ZBED6: variants seen among roughly 807,000 people sequenced by gnomAD.
ZBED6 encodes zinc finger BED domain-containing protein 6.
A neutral mutation model predicts 58.4 loss-of-function variants in ZBED6; 40 were observed. That is an observed-to-expected ratio of 0.68 (90% CI 0.53 to 0.89). ZBED6 has a LOEUF of 0.89. Ranked by LOEUF, ZBED6 falls within the 40% of genes least tolerant of loss-of-function variation. The pLI, the probability that ZBED6 is intolerant of heterozygous loss-of-function variation, is 0.00. For missense variants in ZBED6, 1,057 were observed against 1,003.9 expected (o/e 1.05, Z -0.71); for synonymous variants, 439 against 350.6 (o/e 1.25, Z -2.82).
chr1:203,808,987 C>G (rs1231249743), intron 1 of ZBED6, among the ~76,000 whole-genome samples: 3 of 151,580 alleles, frequency 2.0e-5, no homozygotes, highest in Non-Finnish European at 2.9e-5. Flanking sequence ...TTCGCCACCA[C>G]GCCCAGCTAA....
At chr1:203,833,645 G>A (rs1572210890) in intron 8 of ZBED6, 146 bp from the exon 9 acceptor site, 1 of 264,464 alleles carries the variant, frequency 3.8e-6, no homozygotes, top group South Asian at 1.3e-4. Flanking sequence ...TTGATATAAT[G>A]GCCTTCCTTA....
chr1:203,800,549 T>C, exon 1 of ZBED6: 4 of 1,240,388 alleles, frequency 3.2e-6, no homozygotes, highest in Non-Finnish European at 4.3e-6. Context: ...TCATTATCTT[T>C]ATAAACACAT....
chr1:203,807,980 A>C (rs1378051096), intron 1 of ZBED6, among the ~76,000 whole-genome samples: 1 of 152,046 alleles, frequency 6.6e-6, no homozygotes, highest in African/African-American at 2.4e-5. Context: ...GGGTTCAAGC[A>C]GTCCTCCTGT....
At chr1:203,840,782 C>T (rs935944262) in intron 11 of ZBED6, among the ~76,000 whole-genome samples, 20 of 151,804 alleles carry the variant, frequency 1.3e-4, no homozygotes, top group Non-Finnish European at 2.1e-4. Context: ...TACAGGCGTA[C>T]GCCACCATGC....
intron 10 of ZBED6, 117 bp from the exon 11 acceptor site, chr1:203,840,189 T>A: frequency 1.1e-6 from 1 of 937,894 alleles, no homozygotes; most frequent in Non-Finnish European, 1.6e-6. Flanking sequence ...TCAGCCTGCC[T>A]TGGCCTCCCA....
At chr1:203,847,327 A>C in exon 12 of ZBED6, 1 of 1,614,008 alleles carries the variant, frequency 6.2e-7, no homozygotes, top group Non-Finnish European at 8.5e-7. Context: ...TTCAGGAGCA[A>C]GAAGCTCCTC....
chr1:203,846,160 TGGG>T (rs35704322), intron 11 of ZBED6, among the ~76,000 whole-genome samples: 1 of 131,966 alleles, frequency 7.6e-6, no homozygotes, highest in African/African-American at 2.7e-5. Context: ...ATAATTTTTT[TGGG>T]GGGGGGGTTC....
chr1:203,797,473 T>C (rs1668930866), exon 1 of ZBED6: 1 of 1,437,336 alleles, frequency 7.0e-7, no homozygotes, highest in Non-Finnish European at 9.1e-7. Context: ...TCTGCTTGAG[T>C]AATAAACCCA....
exon 1 of ZBED6, chr1:203,797,583 A>G: frequency 2.6e-6 from 4 of 1,533,546 alleles, no homozygotes; most frequent in Non-Finnish European, 3.5e-6. Context: ...AAGATGCAAC[A>G]CTTTTAGTGA....
intron 11 of ZBED6, among the ~76,000 whole-genome samples, chr1:203,845,916 C>T (rs546988514): frequency 1.3e-5 from 2 of 151,816 alleles, no homozygotes; most frequent in East Asian, 1.9e-4. Context: ...GAGAACAGCA[C>T]GGAATACTCC....
At chr1:203,813,485 T>C (rs1430475399) in intron 1 of ZBED6, among the ~76,000 whole-genome samples, 1 of 152,234 alleles carries the variant, frequency 6.6e-6, no homozygotes, top group African/African-American at 2.4e-5. Context: ...ATTATTTTTT[T>C]ATATGTGGAT....
At chr1:203,849,645 G>T (rs777443334) in intron 13 of ZBED6, 66 bp from the exon 14 acceptor site, 1 of 1,457,646 alleles carries the variant, frequency 6.9e-7, no homozygotes, top group South Asian at 1.2e-5. Flanking sequence ...TGTTAGCCTG[G>T]TACTTACATC....
chr1:203,835,863 C>T (rs1053922264), intron 9 of ZBED6: 2 of 245,148 alleles, frequency 8.2e-6, no homozygotes, highest in East Asian at 2.0e-4. Context: ...TTTCCGGAGA[C>T]CCCACTTATA....
intron 1 of ZBED6, chr1:203,806,134 T>C (rs1672257145): frequency 5.9e-6 from 3 of 505,300 alleles, no homozygotes; most frequent in South Asian, 4.5e-5. Flanking sequence ...CTGGTCCTTA[T>C]ACTTCACTAG....
chr1:203,808,479 T>C (rs1673128370), intron 1 of ZBED6, among the ~76,000 whole-genome samples: 1 of 152,226 alleles, frequency 6.6e-6, no homozygotes, highest in Non-Finnish European at 1.5e-5. Flanking sequence ...ATGTAAAGAC[T>C]CAAGTCCATC....
chr1:203,798,205 T>G, exon 1 of ZBED6: 2 of 1,536,144 alleles, frequency 1.3e-6, no homozygotes, highest in Non-Finnish European at 8.7e-7. Flanking sequence ...GATAATAGAA[T>G]GGGCAAGAAG....
At chr1:203,813,342 G>A (rs557996534) in intron 1 of ZBED6, among the ~76,000 whole-genome samples, 4 of 152,122 alleles carry the variant, frequency 2.6e-5, no homozygotes, top group African/African-American at 9.6e-5. Context: ...CAGTAGCTGG[G>A]ATCACAGGCA....
At chr1:203,798,320 A>G in exon 1 of ZBED6, 2 of 1,536,166 alleles carry the variant, frequency 1.3e-6, no homozygotes, top group Non-Finnish European at 1.7e-6. Flanking sequence ...GAGCCAAGAC[A>G]TCTGCCGTTT....
At position 203,829,942 on chromosome 1, in the gene ZBED6, A is replaced by G. The variant is rs187308188; in HGVS notation, c.*3318+46A>G. On this transcript the variant is annotated intron_variant, in intron 6 of 16. Transcript: ENST00000550078. Reference sequence around the variant, plus strand: ...TGCCTCTTATAGCACTGTTGAAACTACCTTTGAAATTTAGTTCACAATCAT... The same window carrying G: ...TGCCTCTTATAGCACTGTTGAAACTGCCTTTGAAATTTAGTTCACAATCAT... 3.1e-4 allele frequency: 472 copies of G among 1,546,406 alleles called. 2 individuals are homozygous for G. Among genetic ancestry groups the G allele is most frequent in the Admixed American group, 4.5e-4 (27 of 59,506 alleles).
Sources: allele counts gnomAD v4.1 joint callset (sites outside exome capture counted in the v4.1 genomes callset), GRCh38; gene constraint gnomAD v4.1.1; transcripts MANE v1.5; gene names NCBI Gene and HGNC (gene_info 2026-07-23, HGNC 2026-07-21).